IPO11: variants seen among roughly 807,000 people sequenced by gnomAD.
IPO11 encodes importin-11.
A neutral mutation model predicts 143.2 loss-of-function variants in IPO11; 66 were observed. That is an observed-to-expected ratio of 0.46 (90% CI 0.38 to 0.57). The LOEUF is 0.57. Among genes scored for constraint, IPO11 ranks in the 20% least tolerant of loss-of-function variants. The pLI is 0.00. For missense variants in IPO11, 1,026 were observed against 1,141.0 expected, an observed-to-expected ratio of 0.90 and a Z score of 1.45; for synonymous variants, 385 against 377.8, an observed-to-expected ratio of 1.02 and a Z score of -0.22.
At chr5:62,530,509 T>C (rs1442903661) in intron 21 of IPO11, among the ~76,000 whole-genome samples, 200 bp from the exon 22 acceptor site, 2 of 152,242 alleles carry the variant, frequency 1.3e-5, no homozygotes, top group African/African-American at 4.8e-5. Context: ...TTGCTATGTA[T>C]GTAGAAATAT....
At chr5:62,435,046 A>G (rs895930408) in intron 1 of IPO11, among the ~76,000 whole-genome samples, 1 of 136,566 alleles carries the variant, frequency 7.3e-6, no homozygotes, top group Non-Finnish European at 1.5e-5. Flanking sequence ...ATATATGTAT[A>G]TGTGTATATA....
chr5:62,614,812 C>A (rs1242890454), intron 29 of IPO11, among the ~76,000 whole-genome samples: 1 of 152,158 alleles, frequency 6.6e-6, no homozygotes, highest in African/African-American at 2.4e-5. Context: ...CCTTGTCTGG[C>A]ATCCAGGAAG....
chr5:62,624,674 A>T (rs1561392794), intron 29 of IPO11, among the ~76,000 whole-genome samples: 2 of 152,072 alleles, frequency 1.3e-5, no homozygotes, highest in African/African-American at 4.8e-5. Context: ...ACCTTATTTT[A>T]TCCAGCCCCT....
At chr5:62,440,882 G>C (rs1349051303) in intron 2 of IPO11, among the ~76,000 whole-genome samples, 2 of 151,580 alleles carry the variant, frequency 1.3e-5, no homozygotes, top group African/African-American at 4.8e-5. Flanking sequence ...AGAATCGCTT[G>C]AACCCGGGAG....
At chr5:62,524,673 A>T (rs904702650) in intron 20 of IPO11, among the ~76,000 whole-genome samples, 1 of 152,178 alleles carries the variant, frequency 6.6e-6, no homozygotes, top group African/African-American at 2.4e-5. Context: ...ACAAAATTAT[A>T]TTTAACATAA....
intron 5 of IPO11, among the ~76,000 whole-genome samples, chr5:62,455,181 A>G (rs1416094928): frequency 1.3e-5 from 2 of 152,180 alleles, no homozygotes; most frequent in Admixed American, 1.3e-4. Flanking sequence ...CTTCCTTTTA[A>G]TAATAAAGGA....
At chr5:62,550,217 C>G in intron 24 of IPO11, 150 bp from the exon 25 acceptor site, 3 of 542,478 alleles carry the variant, frequency 5.5e-6, no homozygotes, top group Non-Finnish European at 9.9e-6. Context: ...AAAAGTGTGT[C>G]TAGTGTCAGA....
chr5:62,538,043 TA>T (rs959413239), intron 24 of IPO11, among the ~76,000 whole-genome samples: 32 of 151,896 alleles, frequency 2.1e-4, no homozygotes, highest in Non-Finnish European at 2.9e-4. Flanking sequence ...TAAAATTGAT[TA>T]AAAAAAAGTA....
chr5:62,451,677 A>G lies in IPO11; in HGVS notation c.313-53A>G, dbSNP rs1744930894. The G allele has an allele frequency of 3.8e-6, 5 of 1,320,888 alleles. No individual in the cohort carries two copies. The East Asian group carries it at 1.2e-4, about 31-fold the overall frequency. The allele number at this position is 1,320,888 out of a possible 1,614,324, so 81.8% of individuals were successfully genotyped here. On this transcript the variant is annotated intron_variant, in intron 4 of 29. Coordinates refer to ENST00000325324, the MANE Select transcript of IPO11 (RefSeq NM_016338.5). ...TTAACAAGGTGATTTGTCACCGTGA[A>G]TGCATTCCTTATCTATTGCCTTGAT...
intron 24 of IPO11, among the ~76,000 whole-genome samples, chr5:62,549,100 GTTTT>G (rs1244422343): frequency 1.3e-5 from 2 of 150,392 alleles, no homozygotes; most frequent in African/African-American, 4.9e-5. Context: ...TTTGTTTTTT[GTTTT>G]TTGTTTTTTC....
At chr5:62,590,832 G>A (rs1488832013) in intron 27 of IPO11, among the ~76,000 whole-genome samples, 1 of 151,916 alleles carries the variant, frequency 6.6e-6, no homozygotes, top group African/African-American at 2.4e-5. Context: ...TAATGATTTT[G>A]AGCATCCTTT....
chr5:62,588,377 G>A (rs747117768), intron 27 of IPO11, among the ~76,000 whole-genome samples: 6 of 151,902 alleles, frequency 3.9e-5, no homozygotes, highest in African/African-American at 7.3e-5. Flanking sequence ...GACTACAGGC[G>A]TGCACCACTG....
At chr5:62,615,304 T>A (rs1746090913) in intron 29 of IPO11, among the ~76,000 whole-genome samples, 1 of 152,224 alleles carries the variant, frequency 6.6e-6, no homozygotes, top group Non-Finnish European at 1.5e-5. Context: ...ACCCAATGTT[T>A]GATAGTCCCA....
intron 16 of IPO11, among the ~76,000 whole-genome samples, chr5:62,495,645 G>GT (rs1741107199): frequency 6.6e-6 from 1 of 151,762 alleles, no homozygotes; most frequent in Non-Finnish European, 1.5e-5. Flanking sequence ...TGATTTTTCT[G>GT]TTTTTTGTAG....
chr5:62,507,332 T>C (rs1485065716), intron 19 of IPO11, among the ~76,000 whole-genome samples: 1 of 152,208 alleles, frequency 6.6e-6, no homozygotes, highest in Non-Finnish European at 1.5e-5. Flanking sequence ...AGTAGTAATA[T>C]CTGTGTGATT....
At chr5:62,485,355 T>C (rs550957544) in intron 11 of IPO11, 64 bp from the exon 12 acceptor site, 12 of 1,293,166 alleles carry the variant, frequency 9.3e-6, no homozygotes, top group South Asian at 2.4e-5. Flanking sequence ...ACTGATGTTA[T>C]TAAAATCTTT....
At chr5:62,504,146 A>G (rs1741457412) in intron 16 of IPO11, among the ~76,000 whole-genome samples, 1 of 152,180 alleles carries the variant, frequency 6.6e-6, no homozygotes, top group African/African-American at 2.4e-5. Flanking sequence ...AGCATATGTA[A>G]ACCTTTCTGT....
At chr5:62,452,775 C>T (rs1002583676) in intron 5 of IPO11, among the ~76,000 whole-genome samples, 8 of 140,196 alleles carry the variant, frequency 5.7e-5, no homozygotes, top group Non-Finnish European at 9.1e-5. Context: ...CATTTTGAGA[C>T]GGGGTTTTGT....
At chr5:62,497,900 C>T (rs546785272) in intron 16 of IPO11, among the ~76,000 whole-genome samples, 43 of 152,234 alleles carry the variant, frequency 2.8e-4, no homozygotes, top group Admixed American at 9.2e-4. Context: ...CTGAATAATA[C>T]GTAGTTTTCT....
Sources: allele counts gnomAD v4.1 joint callset (sites outside exome capture counted in the v4.1 genomes callset), GRCh38; gene constraint gnomAD v4.1.1; transcripts MANE v1.5; gene names NCBI Gene and HGNC (gene_info 2026-07-23, HGNC 2026-07-21).